The following FYN variants were observed in gnomAD, a reference collection of about 807,000 sequenced individuals.
The protein encoded by FYN is tyrosine-protein kinase Fyn.
A neutral mutation model predicts 70.2 loss-of-function variants in FYN; 10 were observed. The ratio of observed to expected loss-of-function variants is 0.14; its 90% CI spans 0.09 to 0.24. The LOEUF (loss-of-function observed/expected upper bound fraction) is 0.24. Ranked by LOEUF, FYN falls within the 10% of genes least tolerant of loss-of-function variation. The pLI is 1.00. For missense variants in FYN, 319 were observed against 673.1 expected (o/e 0.47, Z 5.82); for synonymous variants, 236 against 248.6 (o/e 0.95, Z 0.48).
chr6:111,693,713 C>T (rs138237189), intron 12 of FYN, among the ~76,000 whole-genome samples: 5 of 152,232 alleles, frequency 3.3e-5, no homozygotes, highest in Admixed American at 2.0e-4. Context: ...AGTCCACTCT[C>T]CACTCTCCCT....
At chr6:111,785,019 G>A (rs771840897) in intron 2 of FYN, among the ~76,000 whole-genome samples, 5 of 152,234 alleles carry the variant, frequency 3.3e-5, no homozygotes, top group African/African-American at 4.8e-5. Flanking sequence ...TCTCTTTGGT[G>A]TGTCCTAACT....
chr6:111,686,835 GATTAA>G, intron 12 of FYN, among the ~76,000 whole-genome samples: 1 of 152,340 alleles, frequency 6.6e-6, no homozygotes, highest in East Asian at 1.9e-4. Flanking sequence ...AGAAGCGGCT[GATTAA>G]TAATTCTGCA....
chr6:111,710,642 A>G lies in FYN; in HGVS notation c.345-2622T>C, dbSNP rs903619241. Among the ~76,000 whole-genome samples the G allele has an allele frequency of 9.9e-5, 15 of 152,218 alleles. 1 individual carries two copies. The highest frequency in any genetic ancestry group is 7.3e-5 in the Non-Finnish European group (5 of 68,034). The stretch of plus-strand genomic sequence containing the variant: ...AAAGATTCAATGTTTATTATGTAGT[A>G]AACCTCACATGTTGAGCCTAGAGAG... On this transcript the variant is annotated intron_variant, in intron 5 of 13. Transcript: ENST00000354650.
At chr6:111,763,668 T>C (rs1803096051) in intron 3 of FYN, among the ~76,000 whole-genome samples, 1 of 152,250 alleles carries the variant, frequency 6.6e-6, no homozygotes, top group Non-Finnish European at 1.5e-5. Context: ...ATACGTGCTT[T>C]ATCAAATAGC....
intron 3 of FYN, among the ~76,000 whole-genome samples, chr6:111,730,500 G>A (rs550197566): frequency 9.9e-4 from 151 of 152,322 alleles, no homozygotes; most frequent in African/African-American, 3.1e-3. Flanking sequence ...TGAAGACCAC[G>A]CATGGGCTTG....
At chr6:111,845,518 TACTC>T (rs776563843) in intron 2 of FYN, among the ~76,000 whole-genome samples, 22 of 152,238 alleles carry the variant, frequency 1.4e-4, no homozygotes, top group Non-Finnish European at 2.5e-4. Context: ...GGTCAGGAGT[TACTC>T]ACAATTGTTC....
chr6:111,762,283 T>A (rs1803038429), intron 3 of FYN, among the ~76,000 whole-genome samples: 1 of 152,156 alleles, frequency 6.6e-6, no homozygotes, highest in Non-Finnish European at 1.5e-5. Context: ...ACCTCACCAG[T>A]TAATGCTCAT....
intron 2 of FYN, among the ~76,000 whole-genome samples, chr6:111,846,180 G>A (rs961068560): frequency 6.6e-5 from 10 of 152,200 alleles, no homozygotes; most frequent in Non-Finnish European, 1.5e-4. Flanking sequence ...CCATCTGAGA[G>A]TGGAGGAAAA....
intron 2 of FYN, among the ~76,000 whole-genome samples, chr6:111,791,512 T>C (rs1771621703): frequency 6.6e-6 from 1 of 152,110 alleles, no homozygotes; most frequent in South Asian, 2.1e-4. Context: ...GGACTCTGAA[T>C]CCAGTGACTG....
intron 2 of FYN, among the ~76,000 whole-genome samples, chr6:111,827,633 T>C (rs1772880373): frequency 6.6e-6 from 1 of 152,178 alleles, no homozygotes; most frequent in Admixed American, 6.5e-5. Flanking sequence ...GAATTATTTT[T>C]CTTTCCTCAG....
rs1460937471 is a variant in FYN at position 111,873,425 on chromosome 6, T to C, written c.-580A>G. The C allele has an allele frequency of 6.6e-6, 1 of 151,828 alleles. No individual in the cohort carries two copies. The highest frequency in any genetic ancestry group is 1.5e-5 in the Non-Finnish European group (1 of 67,938). 9.4% of individuals were successfully genotyped at this position (151,828 alleles called of 1,614,324 possible). A position where few individuals can be genotyped will look rare whatever the true frequency, so the allele number is the denominator to read the frequency against. On this transcript the variant is annotated 5_prime_UTR_variant, in exon 1 of 14. Transcript: ENST00000354650. ...GACGCGCCGCCGCCACCAGCGCGGCTGCTCGCTGCTACTCTTGCTGATGCT... is the reference window on the plus strand; with the variant it reads ...GACGCGCCGCCGCCACCAGCGCGGCCGCTCGCTGCTACTCTTGCTGATGCT...
chr6:111,724,180 G>A (rs928023046), intron 3 of FYN, among the ~76,000 whole-genome samples: 4 of 152,102 alleles, frequency 2.6e-5, no homozygotes, highest in African/African-American at 7.2e-5. Flanking sequence ...AAGAATTGCC[G>A]GACACAGGAT....
At chr6:111,669,304 G>A (rs1328488048) in intron 13 of FYN, among the ~76,000 whole-genome samples, 1 of 151,792 alleles carries the variant, frequency 6.6e-6, no homozygotes, top group African/African-American at 2.4e-5. Flanking sequence ...GCGTGGTGGC[G>A]GGTGCCTGTA....
intron 2 of FYN, among the ~76,000 whole-genome samples, chr6:111,785,167 G>A (rs1025996598): frequency 6.6e-6 from 1 of 152,164 alleles, no homozygotes; most frequent in East Asian, 1.9e-4. Context: ...CTCAGAACTC[G>A]TTCTCTCTCA....
At chr6:111,786,850 G>A (rs1460672797) in intron 2 of FYN, among the ~76,000 whole-genome samples, 3 of 152,182 alleles carry the variant, frequency 2.0e-5, no homozygotes, top group South Asian at 4.2e-4. Context: ...TCTGTTGGCT[G>A]CAGAAATGTC....
chr6:111,857,931 C>A (rs936922434), intron 1 of FYN, among the ~76,000 whole-genome samples: 1 of 152,184 alleles, frequency 6.6e-6, no homozygotes, highest in Non-Finnish European at 1.5e-5. Context: ...TCATTGGGTG[C>A]TGGCCTGGTT....
At chr6:111,683,745 A>T (rs1160398440) in intron 12 of FYN, among the ~76,000 whole-genome samples, 1 of 152,182 alleles carries the variant, frequency 6.6e-6, no homozygotes, top group Non-Finnish European at 1.5e-5. Context: ...AAAAATCACA[A>T]ACAATGCCAA....
intron 2 of FYN, among the ~76,000 whole-genome samples, chr6:111,787,762 G>A (rs1057510447): frequency 6.6e-6 from 1 of 152,142 alleles, no homozygotes; most frequent in East Asian, 1.9e-4. Context: ...AAGATGAGAG[G>A]AGCTACTCTC....
At chr6:111,831,208 G>A (rs1773007287) in intron 2 of FYN, among the ~76,000 whole-genome samples, 1 of 152,078 alleles carries the variant, frequency 6.6e-6, no homozygotes, top group Non-Finnish European at 1.5e-5. Context: ...CTATCTGCTT[G>A]ATAGATGTGC....
Sources: allele counts gnomAD v4.1 joint callset (sites outside exome capture counted in the v4.1 genomes callset), GRCh38; gene constraint gnomAD v4.1.1; transcripts MANE v1.5; gene names NCBI Gene and HGNC (gene_info 2026-07-23, HGNC 2026-07-21).